The following ZFC3H1 variants were observed in gnomAD, a reference collection of about 807,000 sequenced individuals.
The protein encoded by ZFC3H1 is zinc finger C3H1 domain-containing protein.
In ZFC3H1, 71 loss-of-function variants were observed where a neutral mutation model predicts 243.7. That is an observed-to-expected ratio of 0.29 (90% CI 0.24 to 0.36). The LOEUF (loss-of-function observed/expected upper bound fraction) is 0.36. Among genes scored for constraint, ZFC3H1 ranks in the 10% least tolerant of loss-of-function variants. The probability of loss-of-function intolerance (pLI) is 1.00; values close to 1 mark genes in which losing one functional copy is unlikely to be tolerated. For synonymous variants in ZFC3H1, 838 were observed against 813.0 expected, an observed-to-expected ratio of 1.03 and a Z score of -0.52; for missense variants, 1,966 against 2,317.1, an observed-to-expected ratio of 0.85 and a Z score of 3.11.
At chr12:71,611,996 T>C (rs1879785954) in intron 31 of ZFC3H1, 109 bp from the exon 32 acceptor site, 1 of 587,252 alleles carries the variant, frequency 1.7e-6, no homozygotes, top group Non-Finnish European at 2.9e-6. Context: ...TTAAATTCCA[T>C]CAAGACTACC....
chr12:71,647,469 T>A (rs1880756963), intron 3 of ZFC3H1, among the ~76,000 whole-genome samples: 1 of 152,044 alleles, frequency 6.6e-6, no homozygotes, highest in South Asian at 2.1e-4. Context: ...GGAGAAAATA[T>A]CTGGATCAAA....
chr12:71,643,183 G>A (rs924210009), intron 5 of ZFC3H1, among the ~76,000 whole-genome samples: 3 of 151,982 alleles, frequency 2.0e-5, no homozygotes, highest in African/African-American at 4.8e-5. Context: ...TTGGCCTGGC[G>A]CGGTGGCTCA....
chr12:71,637,680 C>T (rs1278282266), intron 7 of ZFC3H1, among the ~76,000 whole-genome samples: 5 of 152,128 alleles, frequency 3.3e-5, no homozygotes, highest in African/African-American at 9.7e-5. Flanking sequence ...AAAAAGAAAA[C>T]ATTACAACGA....
At chr12:71,637,370 CTA>C (rs756647570) in intron 7 of ZFC3H1, among the ~76,000 whole-genome samples, 21 of 152,142 alleles carry the variant, frequency 1.4e-4, no homozygotes, top group Non-Finnish European at 2.6e-4. Flanking sequence ...AGATATCAAA[CTA>C]TACAGGGTCC....
At chr12:71,655,882 T>G (rs189221841) in intron 2 of ZFC3H1, among the ~76,000 whole-genome samples, 2 of 152,228 alleles carry the variant, frequency 1.3e-5, no homozygotes, top group East Asian at 3.9e-4. Context: ...TAGCAAACCT[T>G]CATTTGTAAT....
At chr12:71,619,431 G>T (rs1879970855) in intron 26 of ZFC3H1, 22 bp from the exon 27 acceptor site, 1 of 1,599,418 alleles carries the variant, frequency 6.3e-7, no homozygotes, top group Non-Finnish European at 8.6e-7. Context: ...AGAGGGAGGG[G>T]GATATATATC....
At chr12:71,651,775 G>A (rs1274388164) in intron 2 of ZFC3H1, among the ~76,000 whole-genome samples, 1 of 152,122 alleles carries the variant, frequency 6.6e-6, no homozygotes. Flanking sequence ...TCCATTTTTG[G>A]ATGGAAAAGT....
intron 1 of ZFC3H1, among the ~76,000 whole-genome samples, chr12:71,659,622 A>G (rs571205234): frequency 3.3e-5 from 5 of 152,358 alleles, no homozygotes; most frequent in African/African-American, 7.2e-5. Context: ...TACACTAACA[A>G]AAATGCTAAA....
intron 2 of ZFC3H1, among the ~76,000 whole-genome samples, chr12:71,654,528 G>A (rs573202759): frequency 3.9e-4 from 60 of 152,150 alleles, no homozygotes; most frequent in African/African-American, 1.4e-3. Context: ...AAATATATAG[G>A]CAAAGCTAAG....
chr12:71,615,569 T>TG (rs1486837937), intron 27 of ZFC3H1, among the ~76,000 whole-genome samples: 2 of 152,132 alleles, frequency 1.3e-5, no homozygotes, highest in African/African-American at 4.8e-5. Context: ...CAGGCTGGAG[T>TG]GCAGTGGCAT....
At chr12:71,644,360 A>G in intron 4 of ZFC3H1, 42 bp from the exon 5 acceptor site, 1 of 1,566,998 alleles carries the variant, frequency 6.4e-7, no homozygotes, top group Non-Finnish European at 8.6e-7. Context: ...CTGTTAGGAG[A>G]TAAAAGAAAA....
Position 71,636,916 on chromosome 12 carries a change from CTCCTCT to C in ZFC3H1, c.1863_1868del (p.Glu624_Glu625del). ...GTTCTTCTCGAAGCAGCATTTCTTCCTCCTCTTCCTCATCTGCAAAAGGTGGTTTTG... is the reference window on the plus strand; with the variant it reads ...GTTCTTCTCGAAGCAGCATTTCTTCCTCCTCATCTGCAAAAGGTGGTTTTG... On this transcript the variant is annotated inframe_deletion, in exon 8 of 35. Coordinates refer to ENST00000378743, the MANE Select transcript of ZFC3H1 (RefSeq NM_144982.5). 6.2e-7 allele frequency: 1 copy of C among 1,613,998 alleles called. No homozygotes were observed. The highest frequency in any genetic ancestry group is 1.7e-5 in the Admixed American group (1 of 60,004).
At chr12:71,622,904 T>G (rs988565246) in intron 24 of ZFC3H1, among the ~76,000 whole-genome samples, 1 of 152,214 alleles carries the variant, frequency 6.6e-6, no homozygotes, top group South Asian at 2.1e-4. Flanking sequence ...CTTTATATCT[T>G]GTAATGTGTT....
chr12:71,649,628 A>G (rs916866266), intron 2 of ZFC3H1, among the ~76,000 whole-genome samples: 3 of 152,208 alleles, frequency 2.0e-5, no homozygotes, highest in African/African-American at 2.4e-5. Flanking sequence ...TGGGAAATGC[A>G]TATGTCCCAC....
Position 71,629,646 on chromosome 12 carries a change from A to T in ZFC3H1, c.3789T>A (p.Val1263=). ...TTTCATTGATATTGCTAACAAGGAG[A>T]ACAGCCATCTGGTCCATTGACATTC... ...KDRMSMDQMA[V]LLVSNINESK... Residue 1263 remains valine, a synonymous_variant, in exon 19 of 35, where the codon GTT becomes GTA. Transcript: ENST00000378743. 6.2e-7 allele frequency: 1 copy of T among 1,613,428 alleles called. No individual in the cohort carries two copies. Among genetic ancestry groups the T allele is most frequent in the African/African-American group, 1.3e-5 (1 of 75,004 alleles).
chr12:71,632,793 G>C (rs1189477276), intron 14 of ZFC3H1, 93 bp downstream of exon 14: 1 of 1,503,998 alleles, frequency 6.6e-7, no homozygotes, highest in African/African-American at 1.4e-5. Context: ...GGAATTTACA[G>C]CAAAGAGTTA....
intron 27 of ZFC3H1, among the ~76,000 whole-genome samples, chr12:71,617,763 C>T (rs1384348711): frequency 1.3e-5 from 2 of 152,100 alleles, no homozygotes; most frequent in Non-Finnish European, 2.9e-5. Context: ...TAATTATTTT[C>T]TATTAATTTG....
At chr12:71,649,020 G>C (rs1188281180) in intron 2 of ZFC3H1, among the ~76,000 whole-genome samples, 2 of 150,604 alleles carry the variant, frequency 1.3e-5, no homozygotes, top group Admixed American at 1.3e-4. Flanking sequence ...GGACCCGGGA[G>C]GTGGAGGTTG....
chr12:71,637,233 C>T (rs983066453), intron 7 of ZFC3H1, among the ~76,000 whole-genome samples, 174 bp from the exon 8 acceptor site: 1 of 151,654 alleles, frequency 6.6e-6, no homozygotes, highest in African/African-American at 2.4e-5. Flanking sequence ...TAGCCAACCA[C>T]GAAAAAGTGT....
Sources: allele counts gnomAD v4.1 joint callset (sites outside exome capture counted in the v4.1 genomes callset), GRCh38; gene constraint gnomAD v4.1.1; transcripts MANE v1.5; gene names NCBI Gene and HGNC (gene_info 2026-07-23, HGNC 2026-07-21).